Variants in UROC1 observed in about 807,000 individuals in gnomAD.
The protein encoded by UROC1 is urocanate hydratase.
Under a neutral mutation model 89.5 loss-of-function variants are expected in UROC1, and 79 were observed. That is an observed-to-expected ratio of 0.88 (90% CI 0.74 to 1.06). The LOEUF (loss-of-function observed/expected upper bound fraction) is 1.06, where lower values mean the gene tolerates loss of function less well. UROC1 is among the 50% of genes least tolerant of loss of function. UROC1 has a pLI of 0.00. For synonymous variants in UROC1, 361 were observed against 354.8 expected (o/e 1.02, Z -0.20); for missense variants, 885 against 907.8 (o/e 0.97, Z 0.32).
rs766284237 is a variant in UROC1 at position 126,510,797 on chromosome 3, G to C, written c.127-3C>G. 10 of 1,612,792 alleles carry C rather than the reference G, an allele frequency of 6.2e-6. No individual in the cohort carries two copies. The highest frequency in any genetic ancestry group is 8.5e-6 in the Non-Finnish European group (10 of 1,179,890). ...CGCAGGGCGTTCCTCAGCGCCAGCT[G>C]GGGTAGGAGAGCGGAGAGGCAGTCG... On this transcript the variant is annotated splice_polypyrimidine_tract_variant and splice_region_variant and intron_variant, in intron 1 of 19. Coordinates refer to ENST00000290868, the MANE Select transcript of UROC1 (RefSeq NM_144639.3).
At chr3:126,497,506 C>T (rs556565920) in intron 14 of UROC1, among the ~76,000 whole-genome samples, 77 of 152,324 alleles carry the variant, frequency 5.1e-4, no homozygotes, top group African/African-American at 1.7e-3. Context: ...CCCTTGTGGA[C>T]CTGGCAGGCG....
chr3:126,509,677 C>T lies in UROC1; in HGVS notation c.259G>A (p.Ala87Thr), dbSNP rs1416978003. The T allele has an allele frequency of 3.9e-6, 6 of 1,551,550 alleles. No homozygotes were observed. Among genetic ancestry groups the T allele is most frequent in the Middle Eastern group, 1.7e-4 (1 of 5,988 alleles). Residue 87 changes from alanine to threonine, a missense_variant and splice_region_variant, in exon 3 of 20, where the codon GCC becomes ACC. Transcript: ENST00000290868. ...YRFCPDIEMR[A>T]YPIEQYPCQT... Reference sequence around the variant, plus strand: ...CAGGGGTACTGCTCAATCGGGTAGGCCCTGCAAGGGAAAGCCCAACCACCA... The same window carrying T: ...CAGGGGTACTGCTCAATCGGGTAGGTCCTGCAAGGGAAAGCCCAACCACCA...
At chr3:126,496,735 A>T (rs1935786357) in intron 14 of UROC1, among the ~76,000 whole-genome samples, 1 of 152,246 alleles carries the variant, frequency 6.6e-6, no homozygotes, top group Admixed American at 6.5e-5. Context: ...TGGTTAACAT[A>T]AATATCATTA....
chr3:126,482,617 G>T, intron 19 of UROC1, 132 bp from the exon 20 acceptor site: 1 of 1,367,706 alleles, frequency 7.3e-7, no homozygotes, highest in Non-Finnish European at 1.0e-6. Flanking sequence ...GCCCTTTTGT[G>T]TCTGCCCCAT....
intron 13 of UROC1, among the ~76,000 whole-genome samples, chr3:126,498,944 T>C (rs115776471): frequency 0.023 from 3,457 of 152,144 alleles, 43 homozygotes; most frequent in African/African-American, 0.026. Flanking sequence ...TGCACCCCCA[T>C]GGCCAGAGAG....
rs777513 is a variant in UROC1 at position 126,481,303 on chromosome 3, A to T, written c.*1042T>A. ...GAAGGCTGGAGAATCAGGTGGTTTT[A>T]TTTACCCTATATTGCTGCCCACACA... On this transcript the variant is annotated 3_prime_UTR_variant, in exon 20 of 20. Transcript: ENST00000290868. The T allele has an allele frequency of 0.62, 94,568 of 151,912 alleles. 29,788 individuals carry two copies. Among genetic ancestry groups the T allele is most frequent in the South Asian group, 0.74 (3,538 of 4,808 alleles). 9.4% of individuals were successfully genotyped at this position (151,912 alleles called of 1,614,324 possible). A position where few individuals can be genotyped will look rare whatever the true frequency, so the allele number is the denominator to read the frequency against.
At chr3:126,494,441 C>T (rs949642832) in intron 15 of UROC1, among the ~76,000 whole-genome samples, 5 of 152,182 alleles carry the variant, frequency 3.3e-5, no homozygotes, top group Admixed American at 2.0e-4. Context: ...GAGTCTTGGC[C>T]TTGGCATCTC....
At chr3:126,490,502 A>G (rs887043126) in intron 16 of UROC1, among the ~76,000 whole-genome samples, 6 of 152,160 alleles carry the variant, frequency 3.9e-5, no homozygotes, top group Non-Finnish European at 8.8e-5. Flanking sequence ...CCTGGCCAAC[A>G]TGGCAAAACC....
Position 126,501,310 on chromosome 3 carries a change from C to T in UROC1, c.903-30G>A, listed in dbSNP as rs374974613. On this transcript the variant is annotated intron_variant, in intron 9 of 19. Transcript: ENST00000290868. ...AAGGACACAAAAGCAGAACAGGTGC[C>T]CCCTGCACCTGTGCATAGGTGCCCC... 24 of 1,613,230 alleles carry T rather than the reference C, an allele frequency of 1.5e-5. No homozygotes were observed. In the African/African-American group the frequency reaches 3.2e-4, roughly 21 times the overall value.
At chr3:126,493,270 C>T (rs535295015) in intron 15 of UROC1, among the ~76,000 whole-genome samples, 35 of 152,276 alleles carry the variant, frequency 2.3e-4, no homozygotes, top group South Asian at 4.1e-4. Flanking sequence ...TACTCTACAA[C>T]GGCCCCCGTG....
intron 17 of UROC1, 131 bp from the exon 18 acceptor site, chr3:126,488,410 A>C: frequency 1.1e-6 from 1 of 929,818 alleles, no homozygotes; most frequent in Non-Finnish European, 1.7e-6. Context: ...GGCCCTAGGG[A>C]CAGGGCCTCT....
intron 10 of UROC1, among the ~76,000 whole-genome samples, 156 bp from the exon 11 acceptor site, chr3:126,501,030 C>T (rs1264625118): frequency 2.6e-5 from 4 of 152,200 alleles, no homozygotes; most frequent in Non-Finnish European, 5.9e-5. Flanking sequence ...AGAGAACCTA[C>T]GGGAAGGCTG....
chr3:126,515,028 C>T (rs2107552642), intron 1 of UROC1, among the ~76,000 whole-genome samples: 1 of 152,186 alleles, frequency 6.6e-6, no homozygotes, highest in African/African-American at 2.4e-5. Flanking sequence ...GCCCTCAGAA[C>T]TGCACCCGCT....
intron 6 of UROC1, among the ~76,000 whole-genome samples, chr3:126,506,447 C>T (rs6439015): frequency 0.037 from 5,666 of 152,280 alleles, 335 homozygotes; most frequent in African/African-American, 0.13. Flanking sequence ...GTGGCGGAAA[C>T]ACCACATGGC....
At chr3:126,504,646 C>T (rs190321959) in intron 8 of UROC1, among the ~76,000 whole-genome samples, 71 of 152,278 alleles carry the variant, frequency 4.7e-4, no homozygotes, top group African/African-American at 1.5e-3. Context: ...TTACACAAGC[C>T]GCTGTAGGTA....
chr3:126,496,018 C>T lies in UROC1; in HGVS notation c.1509+20G>A. 1 of 1,611,180 alleles carries T rather than the reference C, an allele frequency of 6.2e-7. No individual in the cohort carries two copies. Among genetic ancestry groups the T allele is most frequent in the East Asian group, 2.2e-5 (1 of 44,846 alleles). On this transcript the variant is annotated intron_variant, in intron 15 of 19. Transcript: ENST00000290868. ...CTGACAGCACAGCCACCCCAGCCTC[C>T]CCCAGGCCTGGGCCCTCACCAGCCG...
At position 126,508,488 on chromosome 3, in the gene UROC1, C is replaced by T. The variant is rs201264390; in HGVS notation, c.352-13G>A. 3.1e-5 allele frequency: 50 copies of T among 1,612,026 alleles called. No individual in the cohort carries two copies. Among genetic ancestry groups the T allele is most frequent in the African/African-American group, 8.0e-5 (6 of 74,942 alleles). Reference sequence around the variant, plus strand: ...GCTCCTGGGGAAACTGAGGAAGACACGGGGTCATCTGAGATGAGGGCCTGG... The same window carrying T: ...GCTCCTGGGGAAACTGAGGAAGACATGGGGTCATCTGAGATGAGGGCCTGG... On this transcript the variant is annotated splice_polypyrimidine_tract_variant and intron_variant, in intron 3 of 19. Coordinates refer to ENST00000290868, the MANE Select transcript of UROC1 (RefSeq NM_144639.3).
chr3:126,492,470 C>T lies in UROC1; in HGVS notation c.1556G>A (p.Arg519His), dbSNP rs772203712. Residue 519 changes from arginine to histidine, a missense_variant, in exon 16 of 20, where the codon CGC becomes CAC. Physicochemically the swap from Arg to His is conservative, Grantham distance 29 (BLOSUM62 0). Coordinates refer to ENST00000290868, the MANE Select transcript of UROC1 (RefSeq NM_144639.3). ...GTTAATGGCCACAGCGATGGCCACG[C>T]GGCCCTTCTGGTCTGAGTACAGGAT... The part of the protein sequence containing the change: ...ARILYSDQKG[R>H]VAIAVAINQA... 30 of 1,613,430 alleles carry T rather than the reference C, an allele frequency of 1.9e-5. No homozygotes were observed. In the East Asian group the frequency reaches 3.8e-4, roughly 20 times the overall value.
chr3:126,508,520 C>T (rs1243845190), intron 3 of UROC1, 45 bp from the exon 4 acceptor site: 1 of 1,550,676 alleles, frequency 6.4e-7, no homozygotes, highest in South Asian at 1.1e-5. Context: ...CTGGGAAGGG[C>T]CTATGGAGTT....
Sources: allele counts gnomAD v4.1 joint callset (sites outside exome capture counted in the v4.1 genomes callset), GRCh38; gene constraint gnomAD v4.1.1; transcripts MANE v1.5; gene names NCBI Gene and HGNC (gene_info 2026-07-23, HGNC 2026-07-21).